TPCN1: variants seen among roughly 807,000 people sequenced by gnomAD.
The protein encoded by TPCN1 is two pore channel protein 1.
TPCN1 carries 52 observed loss-of-function variants against 108.8 expected under a neutral mutation model. The observed-to-expected ratio is 0.48, with a 90% CI of 0.38 to 0.60. TPCN1 has a LOEUF of 0.60. Among genes scored for constraint, TPCN1 ranks in the 20% least tolerant of loss-of-function variants. The pLI is 0.00. For missense variants in TPCN1, 806 were observed against 1,072.8 expected (o/e 0.75, Z 3.47); for synonymous variants, 446 against 433.7 (o/e 1.03, Z -0.35).
intron 2 of TPCN1, chr12:113,246,177 A>T: frequency 2.8e-6 from 1 of 353,540 alleles, no homozygotes; most frequent in Non-Finnish European, 5.9e-6. Flanking sequence ...GTTTCTTTCC[A>T]CTCCTTCCCG....
At chr12:113,245,488 C>T (rs1432846866) in intron 2 of TPCN1, among the ~76,000 whole-genome samples, 107 of 144,482 alleles carry the variant, frequency 7.4e-4, no homozygotes, top group African/African-American at 2.7e-3. Flanking sequence ...GTAGTCCCAG[C>T]TACTCGGGAG....
At chr12:113,270,774 C>T (rs760491786) in intron 7 of TPCN1, among the ~76,000 whole-genome samples, 5 of 152,106 alleles carry the variant, frequency 3.3e-5, no homozygotes, top group South Asian at 2.1e-4. Flanking sequence ...CCACCGCGCC[C>T]GGCCTCTGGG....
chr12:113,248,335 C>G (rs779379998), intron 2 of TPCN1, among the ~76,000 whole-genome samples: 2 of 152,266 alleles, frequency 1.3e-5, no homozygotes, highest in Non-Finnish European at 2.9e-5. Context: ...GTGTACAACG[C>G]TGTTCTGGGG....
chr12:113,223,308 C>T (rs1290276314), intron 1 of TPCN1, among the ~76,000 whole-genome samples: 1 of 152,168 alleles, frequency 6.6e-6, no homozygotes, highest in Admixed American at 6.6e-5. Context: ...AGGAAGAAGT[C>T]AGTTGCTCAG....
At chr12:113,290,013 G>A (rs953657968) in intron 21 of TPCN1, 115 bp from the exon 22 acceptor site, 31 of 669,448 alleles carry the variant, frequency 4.6e-5, no homozygotes, top group Admixed American at 2.5e-4. Context: ...ACCAGGCTGC[G>A]GGCAGAACAG....
intron 2 of TPCN1, among the ~76,000 whole-genome samples, chr12:113,240,115 C>T (rs891558898): frequency 6.6e-6 from 1 of 152,100 alleles, no homozygotes; most frequent in African/African-American, 2.4e-5. Context: ...TGCACAGCCT[C>T]GAGCCAGTCT....
intron 2 of TPCN1, among the ~76,000 whole-genome samples, chr12:113,246,966 G>C (rs144714030): frequency 2.9e-4 from 44 of 152,286 alleles, no homozygotes; most frequent in African/African-American, 1.0e-3. Flanking sequence ...CCAAAGATGC[G>C]AGTGCCAGTC....
At chr12:113,233,384 A>G (rs61943586) in intron 2 of TPCN1, among the ~76,000 whole-genome samples, 8,982 of 152,250 alleles carry the variant, frequency 0.059, 363 homozygotes, top group Middle Eastern at 0.071. Context: ...GGGAGGCAAT[A>G]TGGGAGGGCT....
intron 1 of TPCN1, among the ~76,000 whole-genome samples, chr12:113,223,881 C>G (rs1327729791): frequency 2.0e-5 from 3 of 152,106 alleles, no homozygotes; most frequent in Non-Finnish European, 2.9e-5. Flanking sequence ...AGGATGAGCA[C>G]TTTTACTGTA....
At position 113,291,687 on chromosome 12, in the gene TPCN1, G is replaced by A. The variant is rs758533035; in HGVS notation, c.2028+10G>A. ...TTACATTGTGACCATGGTAGGTCCCGGACCACAGAACGCTCTTTGTCCTTC... is the reference window on the plus strand; with the variant it reads ...TTACATTGTGACCATGGTAGGTCCCAGACCACAGAACGCTCTTTGTCCTTC... On this transcript the variant is annotated intron_variant, in intron 24 of 27. Transcript: ENST00000335509. The A allele has an allele frequency of 8.7e-6, 14 of 1,613,000 alleles. No individual in the cohort carries two copies. The highest frequency in any genetic ancestry group is 4.0e-5 in the African/African-American group (3 of 74,904).
chr12:113,283,727 G>A (rs1955971452), intron 15 of TPCN1, among the ~76,000 whole-genome samples: 1 of 152,070 alleles, frequency 6.6e-6, no homozygotes, highest in Non-Finnish European at 1.5e-5. Flanking sequence ...AAGCTGGAGT[G>A]CAGTGGCACA....
At position 113,231,168 on chromosome 12, in the gene TPCN1, C is replaced by A. The variant is rs1384359560; in HGVS notation, c.112+4204C>A. ...TTGGCCCAGCAGCCGCTGAGGCCTTCTCAGCACTGTACCTCCACGCTCCAT... is the reference window on the plus strand; with the variant it reads ...TTGGCCCAGCAGCCGCTGAGGCCTTATCAGCACTGTACCTCCACGCTCCAT... On this transcript the variant is annotated intron_variant, in intron 2 of 27. Coordinates refer to ENST00000335509, the MANE Select transcript of TPCN1 (RefSeq NM_017901.6). This position sits in a 1 kb window ranked among gnomAD's most constrained non-coding sequence, Gnocchi z 4.3. 2.0e-5 allele frequency among the ~76,000 whole-genome samples: 3 copies of A among 152,256 alleles called. No individual in the cohort carries two copies. Among genetic ancestry groups the A allele is most frequent in the Non-Finnish European group, 4.4e-5 (3 of 68,052 alleles).
Position 113,297,244 on chromosome 12 carries a change from C to CCTG in TPCN1, c.*1170_*1172dup, listed in dbSNP as rs1175551819. 6.5e-6 allele frequency: 1 copy of CCTG among 153,002 alleles called. No homozygotes were observed. Among genetic ancestry groups the CCTG allele is most frequent in the African/African-American group, 2.4e-5 (1 of 41,428 alleles). 9.5% of individuals were successfully genotyped at this position (153,002 alleles called of 1,614,324 possible). On this transcript the variant is annotated 3_prime_UTR_variant, in exon 28 of 28. Coordinates refer to ENST00000335509, the MANE Select transcript of TPCN1 (RefSeq NM_017901.6). The surrounding 1 kb of genome is among the most constrained non-coding windows in gnomAD (Gnocchi z 4.4). ...TAGGAGGGTTGCCAGCTGCAGTGACCCTGCCACAGAGGCAGGGTCAGTGCA... is the reference window on the plus strand; with the variant it reads ...TAGGAGGGTTGCCAGCTGCAGTGACCCTGCTGCCACAGAGGCAGGGTCAGTGCA...
At chr12:113,256,732 C>T (rs2060695248) in intron 2 of TPCN1, among the ~76,000 whole-genome samples, 1 of 152,144 alleles carries the variant, frequency 6.6e-6, no homozygotes, top group African/African-American at 2.4e-5. Context: ...CAAGATCTCA[C>T]TGCGTTGCCC....
At chr12:113,230,414 A>G (rs1953644588) in intron 2 of TPCN1, among the ~76,000 whole-genome samples, 1 of 150,276 alleles carries the variant, frequency 6.7e-6, no homozygotes, top group African/African-American at 2.5e-5. Context: ...TCAGCAGCTG[A>G]GACTACAGGC....
chr12:113,292,894 AGCCCCG>A, intron 25 of TPCN1, 34 bp from the exon 26 acceptor site: 1 of 1,590,838 alleles, frequency 6.3e-7, no homozygotes, highest in Non-Finnish European at 8.6e-7. Context: ...TGGCAGCTGC[AGCCCCG>A]GGCCCTTCCC....
chr12:113,258,633 T>A (rs1954908023), intron 2 of TPCN1, among the ~76,000 whole-genome samples: 1 of 151,928 alleles, frequency 6.6e-6, no homozygotes, highest in Non-Finnish European at 1.5e-5. Flanking sequence ...ATACAAAAAT[T>A]AGCCAGGCGT....
chr12:113,258,688 G>A (rs889231365), intron 2 of TPCN1, among the ~76,000 whole-genome samples: 2 of 152,130 alleles, frequency 1.3e-5, no homozygotes, highest in Non-Finnish European at 2.9e-5. Flanking sequence ...GGCTGAAGTA[G>A]GAGGATCTCT....
chr12:113,277,154 T>C, intron 11 of TPCN1, 86 bp from the exon 12 acceptor site: 2 of 1,605,190 alleles, frequency 1.2e-6, no homozygotes, highest in Non-Finnish European at 1.7e-6. Context: ...CTTGGAAGAA[T>C]GAACAGAGCT....
Sources: allele counts gnomAD v4.1 joint callset (sites outside exome capture counted in the v4.1 genomes callset), GRCh38; gene constraint gnomAD v4.1.1; non-coding constraint Gnocchi (gnomAD v3.1); transcripts MANE v1.5; gene names NCBI Gene and HGNC (gene_info 2026-07-23, HGNC 2026-07-21).